LEPROTL1: variants seen among roughly 807,000 people sequenced by gnomAD.
LEPROTL1 encodes leptin receptor overlapping transcript-like 1.
A neutral mutation model predicts 15.4 loss-of-function variants in LEPROTL1; 6 were observed. The observed-to-expected ratio is 0.39, with a 90% CI of 0.21 to 0.77. The LOEUF (loss-of-function observed/expected upper bound fraction) is 0.77, where lower values mean the gene tolerates loss of function less well. Among genes scored for constraint, LEPROTL1 ranks in the 30% least tolerant of loss-of-function variants. LEPROTL1 has a pLI of 0.41. For missense variants in LEPROTL1, 128 were observed against 158.1 expected (o/e 0.81, Z 1.02); for synonymous variants, 56 against 52.6 (o/e 1.06, Z -0.28).
At position 30,095,454 on chromosome 8, in the gene LEPROTL1, C is replaced by T. The variant is rs950093356; in HGVS notation, c.-59C>T. Reference sequence around the variant, plus strand: ...CCGCCGTAGCGCGTCTTGGGTCTCCCGGCTGCCGCTGCTGCCGCCGCCGCC... The same window carrying T: ...CCGCCGTAGCGCGTCTTGGGTCTCCTGGCTGCCGCTGCTGCCGCCGCCGCC... On this transcript the variant is annotated 5_prime_UTR_variant, in exon 1 of 4. Transcript: ENST00000321250. The T allele has an allele frequency of 8.1e-5, 118 of 1,460,310 alleles. No homozygotes were observed. Among genetic ancestry groups the T allele is most frequent in the Non-Finnish European group, 1.0e-4 (115 of 1,109,474 alleles). The allele number at this position is 1,460,310 out of a possible 1,614,324, so 90.5% of individuals were successfully genotyped here.
chr8:30,110,498 G>A (rs1802639902), downstream of LEPROTL1, among the ~76,000 whole-genome samples: 1 of 152,042 alleles, frequency 6.6e-6, no homozygotes, highest in Non-Finnish European at 1.5e-5. Context: ...GGCTGGGTTG[G>A]GGGGCGGTGC....
At chr8:30,137,339 A>T (rs1585486039) in exon 5 of LEPROTL1, 2 of 1,551,704 alleles carry the variant, frequency 1.3e-6, no homozygotes, top group Middle Eastern at 3.3e-4. Flanking sequence ...ACACTGACAC[A>T]GCAGCTGCCT....
At chr8:30,123,577 T>C (rs1563218385) in intron 3 of LEPROTL1, among the ~76,000 whole-genome samples, 1 of 152,250 alleles carries the variant, frequency 6.6e-6, no homozygotes, top group Non-Finnish European at 1.5e-5. Flanking sequence ...CATGTCATAC[T>C]AGCATTCCTC....
In LEPROTL1 at chr8:30,103,220, C is replaced by T. The variant is rs77824904; in HGVS notation, c.93-1080C>T. On this transcript the variant is annotated intron_variant, in intron 2 of 3. Coordinates refer to ENST00000321250, the MANE Select transcript of LEPROTL1 (RefSeq NM_015344.3). ...CAGTCTTAAAAAGAATGAGGAAGAG[C>T]TGTAAGTGCTAACATGTAAATATGT... Among the ~76,000 whole-genome samples the T allele has an allele frequency of 8.3e-3, 1,262 of 152,186 alleles. 11 individuals carry two copies. The highest frequency in any genetic ancestry group is 0.015 in the Non-Finnish European group (994 of 68,012).
chr8:30,138,064 A>G (rs771477491), downstream of LEPROTL1: 19 of 171,768 alleles, frequency 1.1e-4, no homozygotes, highest in East Asian at 3.0e-4. Context: ...CTGACTCCCT[A>G]TGATTTCATC....
At chr8:30,134,129 A>T (rs1803088131) in intron 4 of LEPROTL1, among the ~76,000 whole-genome samples, 1 of 152,230 alleles carries the variant, frequency 6.6e-6, no homozygotes, top group Non-Finnish European at 1.5e-5. Flanking sequence ...TCTCTTAAAA[A>T]ACTTTCTCTT....
chr8:30,110,579 C>G (rs112977449), downstream of LEPROTL1, among the ~76,000 whole-genome samples: 18,433 of 151,746 alleles, frequency 0.12, 1,360 homozygotes, highest in East Asian at 0.23. Flanking sequence ...TCTAAAAATA[C>G]AAAAATTAAG....
At chr8:30,131,746 T>C in intron 3 of LEPROTL1, 1 of 568,454 alleles carries the variant, frequency 1.8e-6, no homozygotes, top group Non-Finnish European at 2.9e-6. Flanking sequence ...CTTTTTCCTT[T>C]TTGTATCCTC....
chr8:30,120,692 G>A (rs534638325), intron 3 of LEPROTL1, among the ~76,000 whole-genome samples: 8 of 152,146 alleles, frequency 5.3e-5, no homozygotes, highest in African/African-American at 1.9e-4. Flanking sequence ...CACCATGCCT[G>A]GCTAATTTTC....
intron 1 of LEPROTL1, among the ~76,000 whole-genome samples, chr8:30,097,798 GTATTCA>G (rs1802397650): frequency 6.7e-6 from 1 of 150,092 alleles, no homozygotes; most frequent in Non-Finnish European, 1.5e-5. Context: ...TGTTATTCCA[GTATTCA>G]TATTCATAGC....
At chr8:30,132,663 C>T in intron 4 of LEPROTL1, 4 of 1,551,740 alleles carry the variant, frequency 2.6e-6, no homozygotes, top group Non-Finnish European at 2.6e-6. Context: ...GTCTGGGATG[C>T]AAAGCACTGG....
chr8:30,102,422 G>C (rs1265600425), intron 2 of LEPROTL1, among the ~76,000 whole-genome samples: 2 of 152,196 alleles, frequency 1.3e-5, no homozygotes, highest in Admixed American at 1.3e-4. Flanking sequence ...AGACCAAGGC[G>C]GGAGGATTGC....
At chr8:30,120,048 A>G (rs1029271523) in intron 3 of LEPROTL1, among the ~76,000 whole-genome samples, 7 of 150,740 alleles carry the variant, frequency 4.6e-5, no homozygotes, top group Non-Finnish European at 1.0e-4. Context: ...ACTGGGCAAC[A>G]GAGTGAGACT....
At chr8:30,095,746 C>T in intron 1 of LEPROTL1, 1 of 696,322 alleles carries the variant, frequency 1.4e-6, no homozygotes, top group Non-Finnish European at 2.6e-6. Flanking sequence ...GCCCCGCAGC[C>T]CCCACTTTCT....
Position 30,105,751 on chromosome 8 carries a change from G to A in LEPROTL1, c.285G>A (p.Glu95=). 6.3e-7 allele frequency: 1 copy of A among 1,593,782 alleles called. No homozygotes were observed. Among genetic ancestry groups the A allele is most frequent in the Non-Finnish European group, 8.6e-7 (1 of 1,169,310 alleles). Residue 95 remains glutamate (E), a synonymous_variant, in exon 4 of 4, where the codon GAG becomes GAA. Transcript: ENST00000321250. ...AGTGTATCTTATTTCCATAGATTGA[G>A]TGGGGAGCTTGTGCACTTGTTCTCA... ...PIVFARAHLI[E]WGACALVLTG... is the part of the protein sequence containing the mutation.
chr8:30,107,036 C>A lies in LEPROTL1; in HGVS notation c.*1174C>A. ...ATGCATTAACAGTTTAAGATTTAGA[C>A]CATGGTAATAGTAGTTCTTATTCTC... On this transcript the variant is annotated 3_prime_UTR_variant, in exon 4 of 4. Coordinates refer to ENST00000321250, the MANE Select transcript of LEPROTL1 (RefSeq NM_015344.3). The A allele has an allele frequency of 1.0e-6, 1 of 976,618 alleles. No individual in the cohort carries two copies. The highest frequency in any genetic ancestry group is 1.2e-6 in the Non-Finnish European group (1 of 822,044). 60.5% of individuals were successfully genotyped at this position (976,618 alleles called of 1,614,324 possible). A position where few individuals can be genotyped will look rare whatever the true frequency, so the allele number is the denominator to read the frequency against.
At chr8:30,115,123 G>A (rs373569988) in intron 3 of LEPROTL1, among the ~76,000 whole-genome samples, 46 of 152,176 alleles carry the variant, frequency 3.0e-4, no homozygotes, top group African/African-American at 9.4e-4. Flanking sequence ...CAGCACTTTC[G>A]GAGGCAGAGG....
chr8:30,103,096 G>A (rs531608982), intron 2 of LEPROTL1, among the ~76,000 whole-genome samples: 26 of 152,076 alleles, frequency 1.7e-4, no homozygotes, highest in African/African-American at 5.8e-4. Flanking sequence ...TGTTTTATGC[G>A]TTATTTATAA....
rs1446752401 is a variant in LEPROTL1, at chr8:30,107,838, C to G, written c.*1976C>G. On this transcript the variant is annotated 3_prime_UTR_variant, in exon 4 of 4. Coordinates refer to ENST00000321250, the MANE Select transcript of LEPROTL1 (RefSeq NM_015344.3). ...CAGTGCACTGCTACTGTTTTATCCACTTGGCCACAGACTTTTTCTAACAGC... is the reference window on the plus strand; with the variant it reads ...CAGTGCACTGCTACTGTTTTATCCAGTTGGCCACAGACTTTTTCTAACAGC... 1 of 985,280 alleles carries G rather than the reference C, an allele frequency of 1.0e-6. No homozygotes were observed. The highest frequency in any genetic ancestry group is 1.2e-6 in the Non-Finnish European group (1 of 829,914). The allele number at this position is 985,280 out of a possible 1,614,324, so 61.0% of individuals were successfully genotyped here. A position where few individuals can be genotyped will look rare whatever the true frequency, so the allele number is the denominator to read the frequency against.
Sources: gnomAD v4.1 joint callset for allele counts (sites outside exome capture counted in the v4.1 genomes callset) on GRCh38, gnomAD v4.1.1 for gene constraint, MANE v1.5 for transcripts, NCBI Gene and HGNC (gene_info 2026-07-23, HGNC 2026-07-21) for gene names.